TMOD2: variants seen among roughly 807,000 people sequenced by gnomAD.
The protein encoded by TMOD2 is tropomodulin 2, also known as tropomodulin-2.
A neutral mutation model predicts 39.9 loss-of-function variants in TMOD2; 22 were observed. The observed-to-expected ratio is 0.55, with a 90% CI of 0.39 to 0.79. TMOD2 has a LOEUF of 0.79. TMOD2 is among the 30% of genes least tolerant of loss of function. The pLI, the probability that TMOD2 is intolerant of heterozygous loss-of-function variation, is 0.00. For missense variants in TMOD2, 386 were observed against 413.3 expected, an observed-to-expected ratio of 0.93 and a Z score of 0.57; for synonymous variants, 123 against 146.1, an observed-to-expected ratio of 0.84 and a Z score of 1.14.
chr15:51,783,918 A>G (rs1309346211), intron 7 of TMOD2: 2 of 152,186 alleles, frequency 1.3e-5, no homozygotes, highest in East Asian at 3.8e-4. Flanking sequence ...TATTCTTCCT[A>G]TCAATAGCCA....
At chr15:51,785,672 A>G (rs1332385036) in intron 7 of TMOD2, among the ~76,000 whole-genome samples, 1 of 152,066 alleles carries the variant, frequency 6.6e-6, no homozygotes, top group Non-Finnish European at 1.5e-5. Context: ...AAAGCCTGGG[A>G]AGGGAAGGGA....
At chr15:51,792,795 A>G (rs536199563) in intron 7 of TMOD2, among the ~76,000 whole-genome samples, 5 of 152,310 alleles carry the variant, frequency 3.3e-5, no homozygotes, top group Non-Finnish European at 5.9e-5. Context: ...GTTCTCACTC[A>G]TAAGTGGGAG....
Position 51,801,237 on chromosome 15 carries a change from T to TCTCTCA in TMOD2, c.876+2898_876+2899insTCTCAC, listed in dbSNP as rs1491214017. Among the ~76,000 whole-genome samples, 191 of 102,134 alleles carry TCTCTCA rather than the reference T, an allele frequency of 1.9e-3. 1 individual carries two copies. Among genetic ancestry groups the TCTCTCA allele is most frequent in the African/African-American group, 2.6e-3 (64 of 25,026 alleles). 67.0% of individuals were successfully genotyped at this position (102,134 alleles called of 152,430 possible). A position where few individuals can be genotyped will look rare whatever the true frequency, so the allele number is the denominator to read the frequency against. On this transcript the variant is annotated intron_variant, in intron 8 of 9. Transcript: ENST00000249700. Reference sequence around the variant, plus strand: ...CTCTCCCTCTCTCTCTCTCTCTCTCTCACACACACACACACACACACACAC... The same window carrying TCTCTCA: ...CTCTCCCTCTCTCTCTCTCTCTCTCTCTCTCACACACACACACACACACACACACAC...
At chr15:51,786,590 T>G (rs1395618705) in intron 7 of TMOD2, among the ~76,000 whole-genome samples, 1 of 152,166 alleles carries the variant, frequency 6.6e-6, no homozygotes, top group African/African-American at 2.4e-5. Flanking sequence ...CTCAAAGAAG[T>G]TGAATGCTGA....
At chr15:51,781,457 T>C (rs1268025846) in intron 6 of TMOD2, among the ~76,000 whole-genome samples, 1 of 152,248 alleles carries the variant, frequency 6.6e-6, no homozygotes, top group Admixed American at 6.5e-5. Flanking sequence ...CAGACATTTA[T>C]TATTTCACAC....
intron 7 of TMOD2, among the ~76,000 whole-genome samples, chr15:51,787,526 C>G (rs967915250): frequency 2.0e-5 from 3 of 152,238 alleles, no homozygotes; most frequent in Non-Finnish European, 4.4e-5. Context: ...GTTCGAGCTC[C>G]GATAACGGAC....
intron 1 of TMOD2, chr15:51,756,463 C>A (rs1220652582): frequency 1.3e-5 from 2 of 152,214 alleles, no homozygotes; most frequent in African/African-American, 4.8e-5. Context: ...TCACCTCAGC[C>A]TTCTGAGATA....
intron 3 of TMOD2, among the ~76,000 whole-genome samples, chr15:51,771,753 C>T (rs144991060): frequency 1.3e-5 from 2 of 152,270 alleles, no homozygotes; most frequent in South Asian, 2.1e-4. Flanking sequence ...AGGCCATAGA[C>T]GCTAGGAATG....
intron 7 of TMOD2, among the ~76,000 whole-genome samples, chr15:51,786,925 G>A (rs939232989): frequency 6.6e-6 from 1 of 152,218 alleles, no homozygotes; most frequent in African/African-American, 2.4e-5. Context: ...CAGAAGATGG[G>A]TGTTTCTGCA....
chr15:51,768,227 C>T, intron 2 of TMOD2, 35 bp from the exon 3 acceptor site: 1 of 1,613,428 alleles, frequency 6.2e-7, no homozygotes. Context: ...GGCCGGCAGA[C>T]ATCTTCCTTC....
intron 2 of TMOD2, chr15:51,766,783 A>G (rs922630866): frequency 1.4e-5 from 5 of 364,826 alleles, no homozygotes; most frequent in Admixed American, 1.3e-4. Context: ...AACCAGCCCA[A>G]TGTAAATGGG....
In TMOD2 at chr15:51,798,802, C is replaced by G. The variant is rs550116921; in HGVS notation, c.876+462C>G. Reference sequence around the variant, plus strand: ...TTCCTTGGCTGAAGACTTCTAGAACCAAAAGAGCAGATGCAGGCTCCTGCA... The same window carrying G: ...TTCCTTGGCTGAAGACTTCTAGAACGAAAAGAGCAGATGCAGGCTCCTGCA... On this transcript the variant is annotated intron_variant, in intron 8 of 9. Coordinates refer to ENST00000249700, the MANE Select transcript of TMOD2 (RefSeq NM_014548.4). Among the ~76,000 whole-genome samples the G allele has an allele frequency of 3.3e-5, 5 of 152,278 alleles. No individual in the cohort carries two copies. In the South Asian group the frequency reaches 1.0e-3, roughly 32 times the overall value.
At chr15:51,798,091 A>T in intron 7 of TMOD2, 106 bp from the exon 8 acceptor site, 2 of 942,496 alleles carry the variant, frequency 2.1e-6, no homozygotes, top group South Asian at 1.9e-5. Context: ...GGTTTTCTTT[A>T]AGTGCTAGAA....
intron 7 of TMOD2, among the ~76,000 whole-genome samples, chr15:51,795,504 T>G (rs1199961402): frequency 6.6e-6 from 1 of 152,050 alleles, no homozygotes; most frequent in African/African-American, 2.4e-5. Context: ...GATCCGTAAC[T>G]TTCTTCATCT....
At chr15:51,774,034 T>C (rs964027318) in intron 4 of TMOD2, among the ~76,000 whole-genome samples, 200 bp downstream of exon 4, 1 of 152,206 alleles carries the variant, frequency 6.6e-6, no homozygotes, top group Non-Finnish European at 1.5e-5. Flanking sequence ...CAGCAGCAAA[T>C]AATACCCATC....
chr15:51,786,230 A>G (rs2055969311), intron 7 of TMOD2, among the ~76,000 whole-genome samples: 1 of 152,084 alleles, frequency 6.6e-6, no homozygotes, highest in Admixed American at 6.6e-5. Flanking sequence ...AGCTGAGAAG[A>G]GAGAGGCAGA....
intron 1 of TMOD2, among the ~76,000 whole-genome samples, chr15:51,758,928 G>C (rs1224316902): frequency 6.6e-6 from 1 of 152,234 alleles, no homozygotes; most frequent in Non-Finnish European, 1.5e-5. Context: ...GGGGAGTGCA[G>C]CACAGGATGA....
At chr15:51,770,192 GA>G (rs2055843750) in intron 3 of TMOD2, among the ~76,000 whole-genome samples, 2 of 152,072 alleles carry the variant, frequency 1.3e-5, no homozygotes, top group South Asian at 4.1e-4. Flanking sequence ...TCACTCCCCT[GA>G]ACCTGCTGAG....
intron 4 of TMOD2, among the ~76,000 whole-genome samples, chr15:51,774,217 A>C (rs1354715136): frequency 6.6e-6 from 1 of 152,194 alleles, no homozygotes; most frequent in Non-Finnish European, 1.5e-5. Flanking sequence ...TCATTGTTCC[A>C]TTTTGATTCA....
Sources: gnomAD v4.1 joint callset for allele counts (sites outside exome capture counted in the v4.1 genomes callset) on GRCh38, gnomAD v4.1.1 for gene constraint, MANE v1.5 for transcripts, NCBI Gene and HGNC (gene_info 2026-07-23, HGNC 2026-07-21) for gene names.